BEND4: variants seen among roughly 807,000 people sequenced by gnomAD.
BEND4 encodes the protein BEN domain-containing protein 4.
Under a neutral mutation model 54.7 loss-of-function variants are expected in BEND4, and 27 were observed. The observed-to-expected ratio is 0.49, with a 90% CI of 0.36 to 0.68. BEND4 has a LOEUF of 0.68. Ranked by LOEUF, BEND4 falls within the 30% of genes least tolerant of loss-of-function variation. BEND4 has a pLI of 0.00. For synonymous variants in BEND4, 327 were observed against 299.5 expected (o/e 1.09, Z -0.95); for missense variants, 702 against 697.2 (o/e 1.01, Z -0.08).
At chr4:42,118,825 T>C (rs1455120711) in intron 5 of BEND4, among the ~76,000 whole-genome samples, 1 of 152,186 alleles carries the variant, frequency 6.6e-6, no homozygotes, top group Non-Finnish European at 1.5e-5. Flanking sequence ...CAGAAAACTA[T>C]GGCTAGTTTG....
At position 42,119,207 on chromosome 4, in the gene BEND4, G is replaced by A. The variant is rs546434117; in HGVS notation, c.1387+847C>T. On this transcript the variant is annotated intron_variant, in intron 5 of 5. Transcript: ENST00000502486. ...ACTAGGGCCTTAGCAGTGATAATCC[G>A]GCTTTTTTTTTTACTGTGATTTCCT... Among the ~76,000 whole-genome samples the A allele has an allele frequency of 1.2e-4, 19 of 152,028 alleles. No individual in the cohort carries two copies. The South Asian group carries it at 2.7e-3, about 22-fold the overall frequency.
At chr4:42,140,663 G>T (rs1042283985) in intron 3 of BEND4, among the ~76,000 whole-genome samples, 1 of 152,188 alleles carries the variant, frequency 6.6e-6, no homozygotes, top group African/African-American at 2.4e-5. Context: ...TATGGGTTCG[G>T]TAAGTGAGAG....
At chr4:42,134,338 ATGTG>A (rs1175883311) in intron 3 of BEND4, among the ~76,000 whole-genome samples, 1 of 152,168 alleles carries the variant, frequency 6.6e-6, no homozygotes, top group Non-Finnish European at 1.5e-5. Flanking sequence ...AACCATGGCC[ATGTG>A]TGTGTTTAAT....
rs927564548 is a variant in BEND4 at position 42,111,112 on chromosome 4, C to T, written c.*6406G>A. 2.0e-5 allele frequency: 3 copies of T among 152,196 alleles called. No individual in the cohort carries two copies. Among genetic ancestry groups the T allele is most frequent in the Non-Finnish European group, 4.4e-5 (3 of 68,022 alleles). The allele number at this position is 152,196 out of a possible 1,614,324, so 9.4% of individuals were successfully genotyped here. On this transcript the variant is annotated 3_prime_UTR_variant, in exon 6 of 6. Coordinates refer to ENST00000502486, the MANE Select transcript of BEND4 (RefSeq NM_207406.4). The stretch of plus-strand genomic sequence containing the variant: ...TTGAATGTTTAAAAAACTTTTATAA[C>T]ATTTTAAGTTTCTAAAAGAAATGAG...
At position 42,151,817 on chromosome 4, in the gene BEND4, G is replaced by A; in HGVS notation, c.327C>T (p.Ser109=). 1 of 1,426,644 alleles carries A rather than the reference G, an allele frequency of 7.0e-7. No individual in the cohort carries two copies. Among genetic ancestry groups the A allele is most frequent in the South Asian group, 1.5e-5 (1 of 68,174 alleles). 88.4% of individuals were successfully genotyped at this position (1,426,644 alleles called of 1,614,324 possible). A position where few individuals can be genotyped will look rare whatever the true frequency, so the allele number is the denominator to read the frequency against. ...SSSPSCTPAT[S]QGHLRTPAQP... ...GCGCCGGAGTCCTCAAGTGGCCCTG[G>A]GATGTGGCGGGCGTGCAGGACGGCG... Residue 109 remains serine, a synonymous_variant, in exon 2 of 6, where the codon TCC becomes TCT. Coordinates refer to ENST00000502486, the MANE Select transcript of BEND4 (RefSeq NM_207406.4).
chr4:42,127,543 T>C (rs1025456422), intron 3 of BEND4, among the ~76,000 whole-genome samples: 1 of 152,166 alleles, frequency 6.6e-6, no homozygotes, highest in African/African-American at 2.4e-5. Flanking sequence ...GAAAAAACCC[T>C]AAGTCTTGAG....
intron 4 of BEND4, among the ~76,000 whole-genome samples, chr4:42,123,707 A>AAAAAC (rs1482758496): frequency 5.3e-5 from 8 of 151,230 alleles, no homozygotes; most frequent in African/African-American, 1.7e-4. Context: ...AAAAAAAAAA[A>AAAAAC]AAAAAAAAAA....
At chr4:42,132,596 C>T (rs901600011) in intron 3 of BEND4, among the ~76,000 whole-genome samples, 10 of 152,092 alleles carry the variant, frequency 6.6e-5, no homozygotes, top group African/African-American at 2.4e-4. Flanking sequence ...AGGCGTCCGC[C>T]ACCATGCCCC....
intron 2 of BEND4, chr4:42,151,044 G>A (rs1307173528): frequency 6.6e-6 from 1 of 152,184 alleles, no homozygotes; most frequent in African/African-American, 2.4e-5. Flanking sequence ...ACCAAGGGGT[G>A]GGAAGGAAAA....
At chr4:42,137,322 A>G (rs1720730946) in intron 3 of BEND4, among the ~76,000 whole-genome samples, 2 of 152,220 alleles carry the variant, frequency 1.3e-5, no homozygotes, top group South Asian at 4.1e-4. Flanking sequence ...CATGCAAAAG[A>G]ATGAAATTAG....
At chr4:42,124,305 A>T (rs1720186106) in intron 4 of BEND4, among the ~76,000 whole-genome samples, 1 of 152,188 alleles carries the variant, frequency 6.6e-6, no homozygotes, top group South Asian at 2.1e-4. Flanking sequence ...GTGAGCCATG[A>T]TCATGCCACT....
chr4:42,151,666 G>T lies in BEND4; in HGVS notation c.478C>A (p.Leu160Ile). The T allele has an allele frequency of 1.3e-6, 2 of 1,492,196 alleles. No individual in the cohort carries two copies. The highest frequency in any genetic ancestry group is 1.8e-6 in the Non-Finnish European group (2 of 1,124,540). 92.4% of individuals were successfully genotyped at this position (1,492,196 alleles called of 1,614,324 possible). ...TGCGGAGAGTTGGTACCTGCGCTGA[G>T]CTCCAGGCTGGCGCTGTCGCTACCC... ...GTGSDSASLE[L>I]SAESRMILDA... Residue 160 changes from leucine to isoleucine, a missense_variant, in exon 2 of 6, where the codon CTC becomes ATC. Leu to Ile is a conservative substitution (Grantham distance 5). Coordinates refer to ENST00000502486, the MANE Select transcript of BEND4 (RefSeq NM_207406.4).
At chr4:42,145,688 T>TC (rs1391176531) in intron 2 of BEND4, among the ~76,000 whole-genome samples, 1 of 106,788 alleles carries the variant, frequency 9.4e-6, no homozygotes, top group Non-Finnish European at 1.8e-5. Context: ...AGACTCCATC[T>TC]CAAAAAAAAA....
chr4:42,132,531 G>A (rs1360891258), intron 3 of BEND4, among the ~76,000 whole-genome samples: 2 of 151,958 alleles, frequency 1.3e-5, no homozygotes, highest in African/African-American at 4.8e-5. Flanking sequence ...TGCAACCTCC[G>A]CCTCCCAGGT....
chr4:42,119,119 A>G (rs1719961904), intron 5 of BEND4, among the ~76,000 whole-genome samples: 1 of 152,174 alleles, frequency 6.6e-6, no homozygotes, highest in African/African-American at 2.4e-5. Flanking sequence ...CTAGGCACAT[A>G]ATGTCCAGAA....
intron 5 of BEND4, among the ~76,000 whole-genome samples, chr4:42,119,154 G>A (rs1310482184): frequency 1.3e-5 from 2 of 152,074 alleles, no homozygotes; most frequent in African/African-American, 4.8e-5. Flanking sequence ...TCAGGAGGGA[G>A]TGCAGAAGTA....
At chr4:42,138,785 A>C in intron 3 of BEND4, among the ~76,000 whole-genome samples, 1 of 152,342 alleles carries the variant, frequency 6.6e-6, no homozygotes. Flanking sequence ...TTAATGTGTT[A>C]TAATTATTTT....
chr4:42,113,971 C>T lies in BEND4; in HGVS notation c.*3547G>A, dbSNP rs553468415. ...AATGAGGAAAACCAAAAAAGTGATG[C>T]GCGGGTTCAAGGGCTAGAGGAAATA... On this transcript the variant is annotated 3_prime_UTR_variant, in exon 6 of 6. Transcript: ENST00000502486. 2.0e-5 allele frequency: 3 copies of T among 152,212 alleles called. No homozygotes were observed. Among genetic ancestry groups the T allele is most frequent in the Non-Finnish European group, 4.4e-5 (3 of 68,012 alleles). 9.4% of individuals were successfully genotyped at this position (152,212 alleles called of 1,614,324 possible).
intron 3 of BEND4, among the ~76,000 whole-genome samples, chr4:42,136,491 C>T (rs1720703375): frequency 6.6e-6 from 1 of 152,132 alleles, no homozygotes; most frequent in Non-Finnish European, 1.5e-5. Flanking sequence ...GTATTTGTAA[C>T]CCCCAAATCA....
Sources: gnomAD v4.1 joint callset for allele counts (sites outside exome capture counted in the v4.1 genomes callset) on GRCh38, gnomAD v4.1.1 for gene constraint, MANE v1.5 for transcripts, NCBI Gene and HGNC (gene_info 2026-07-23, HGNC 2026-07-21) for gene names.